The following BBS9 variants were observed in gnomAD, a reference collection of about 807,000 sequenced individuals.
BBS9 encodes the protein protein PTHB1.
A neutral mutation model predicts 117.7 loss-of-function variants in BBS9; 89 were observed. That is an observed-to-expected ratio of 0.76 (90% confidence interval 0.64 to 0.90). The LOEUF (loss-of-function observed/expected upper bound fraction) is 0.90, where lower values mean the gene tolerates loss of function less well. BBS9 is among the 40% of genes least tolerant of loss of function. BBS9 has a pLI of 0.00. For synonymous variants in BBS9, 379 were observed against 370.9 expected, an observed-to-expected ratio of 1.02 and a Z score of -0.25; for missense variants, 982 against 1,042.2, an observed-to-expected ratio of 0.94 and a Z score of 0.80.
chr7:33,346,387 A>G (rs1817601430), intron 12 of BBS9: 1 of 349,946 alleles, frequency 2.9e-6, no homozygotes, highest in Admixed American at 3.8e-5. Context: ...GGTTGTTCAT[A>G]CCTGGCCTCT....
intron 1 of BBS9, among the ~76,000 whole-genome samples, chr7:33,139,851 A>G (rs904859457): frequency 4.6e-5 from 7 of 152,174 alleles, no homozygotes; most frequent in African/African-American, 1.2e-4. Context: ...ATGTCTCCCA[A>G]TAGAGCTTAT....
At chr7:33,505,402 A>T in intron 19 of BBS9, 61 bp from the exon 20 acceptor site, 1 of 1,541,196 alleles carries the variant, frequency 6.5e-7, no homozygotes, top group Non-Finnish European at 9.0e-7. Context: ...TGCCAGACAT[A>T]ATTTGTTGAG....
intron 5 of BBS9, among the ~76,000 whole-genome samples, chr7:33,232,541 G>A (rs1792673965): frequency 6.6e-6 from 1 of 151,972 alleles, no homozygotes; most frequent in South Asian, 2.1e-4. Context: ...AGAAAATAAA[G>A]ATGCTAGAGC....
chr7:33,318,357 A>C (rs1326498473), intron 9 of BBS9, among the ~76,000 whole-genome samples: 2 of 152,088 alleles, frequency 1.3e-5, no homozygotes, highest in Non-Finnish European at 2.9e-5. Flanking sequence ...AAGCTTTTAC[A>C]ACATTTGTCC....
intron 21 of BBS9, among the ~76,000 whole-genome samples, chr7:33,621,820 T>C (rs1226687213): frequency 6.6e-6 from 1 of 152,220 alleles, no homozygotes; most frequent in East Asian, 1.9e-4. Context: ...GAATACTATT[T>C]AGCCTTTAAA....
chr7:33,184,558 A>G (rs183415063), intron 5 of BBS9, among the ~76,000 whole-genome samples: 1 of 152,178 alleles, frequency 6.6e-6, no homozygotes, highest in South Asian at 2.1e-4. Flanking sequence ...TTTTATTAAG[A>G]GGGTCATTTA....
At position 33,357,846 on chromosome 7, in the gene BBS9, T is replaced by A; in HGVS notation, c.1553-9T>A. 6.2e-7 allele frequency: 1 copy of A among 1,610,390 alleles called. No individual in the cohort carries two copies. The highest frequency in any genetic ancestry group is 2.2e-5 in the East Asian group (1 of 44,810). On this transcript the variant is annotated splice_polypyrimidine_tract_variant and intron_variant, in intron 15 of 22. Transcript: ENST00000242067. Reference sequence around the variant, plus strand: ...GTCTATGAATCTACATATCTCTCTTTTATTTTAGGCATTCCGCGAGTTATC... The same window carrying A: ...GTCTATGAATCTACATATCTCTCTTATATTTTAGGCATTCCGCGAGTTATC...
intron 9 of BBS9, among the ~76,000 whole-genome samples, chr7:33,334,247 C>T (rs557506660): frequency 1.3e-5 from 2 of 152,296 alleles, no homozygotes; most frequent in East Asian, 3.9e-4. Context: ...CCTTTCAACT[C>T]AAAGACCAAC....
intron 19 of BBS9, among the ~76,000 whole-genome samples, chr7:33,410,529 T>C (rs1830927403): frequency 6.6e-6 from 1 of 152,200 alleles, no homozygotes; most frequent in Non-Finnish European, 1.5e-5. Flanking sequence ...ATATTCTGTC[T>C]TGTCAGAAAG....
chr7:33,634,661 A>C (rs1387656030), intron 21 of BBS9, among the ~76,000 whole-genome samples: 1 of 152,154 alleles, frequency 6.6e-6, no homozygotes, highest in Non-Finnish European at 1.5e-5. Context: ...TTCAGTGCAC[A>C]TTTGTAGGAA....
intron 21 of BBS9, among the ~76,000 whole-genome samples, chr7:33,571,469 C>T (rs1585304927): frequency 6.6e-6 from 1 of 152,144 alleles, no homozygotes; most frequent in East Asian, 1.9e-4. Flanking sequence ...TCTGAGTTTG[C>T]TGAAAGTTCT....
chr7:33,319,752 G>A (rs1281307941), intron 9 of BBS9, among the ~76,000 whole-genome samples: 2 of 152,120 alleles, frequency 1.3e-5, no homozygotes, highest in African/African-American at 2.4e-5. Flanking sequence ...AAAAGGAACA[G>A]TCAGCAGAGT....
At chr7:33,223,869 T>C (rs996149705) in intron 5 of BBS9, among the ~76,000 whole-genome samples, 13 of 152,246 alleles carry the variant, frequency 8.5e-5, no homozygotes, top group Non-Finnish European at 1.5e-5. Context: ...CTAGTGCCAC[T>C]TTGTAGTAAT....
chr7:33,510,071 T>C (rs368426498), intron 20 of BBS9, among the ~76,000 whole-genome samples: 46 of 152,140 alleles, frequency 3.0e-4, no homozygotes, highest in African/African-American at 9.9e-4. Flanking sequence ...ACATTAAGTA[T>C]TCTATTTGGT....
chr7:33,225,660 C>T (rs945590234), intron 5 of BBS9, among the ~76,000 whole-genome samples: 2 of 150,860 alleles, frequency 1.3e-5, no homozygotes, highest in African/African-American at 4.9e-5. Flanking sequence ...ATTTCCTCTC[C>T]CAGAACTGGA....
intron 17 of BBS9, among the ~76,000 whole-genome samples, chr7:33,378,556 G>A (rs949589082): frequency 1.3e-5 from 2 of 152,196 alleles, no homozygotes; most frequent in East Asian, 1.9e-4. Flanking sequence ...GGCCCCTGTT[G>A]AGGTAATCCA....
chr7:33,233,375 G>T (rs1007526406), intron 5 of BBS9, among the ~76,000 whole-genome samples: 1 of 152,014 alleles, frequency 6.6e-6, no homozygotes, highest in Non-Finnish European at 1.5e-5. Context: ...CAAATAATCT[G>T]TCTAGTATCA....
chr7:33,446,306 G>T (rs1234417288), intron 19 of BBS9, among the ~76,000 whole-genome samples: 1 of 152,056 alleles, frequency 6.6e-6, no homozygotes, highest in Non-Finnish European at 1.5e-5. Context: ...TAATATTAAG[G>T]TACAATTCTT....
intron 9 of BBS9, among the ~76,000 whole-genome samples, chr7:33,313,036 G>GGTGT (rs5883397): frequency 0.05 from 7,389 of 148,012 alleles, 202 homozygotes; most frequent in African/African-American, 0.059. Context: ...TGTACTCTGT[G>GGTGT]GTGTGTGTGT....
Sources: gnomAD v4.1 joint callset for allele counts (sites outside exome capture counted in the v4.1 genomes callset) on GRCh38, gnomAD v4.1.1 for gene constraint, MANE v1.5 for transcripts, NCBI Gene and HGNC (gene_info 2026-07-23, HGNC 2026-07-21) for gene names.